Variants in NRG1 observed in about 807,000 individuals in gnomAD.
NRG1 encodes the protein pro-neuregulin-1, membrane-bound isoform.
A neutral mutation model predicts 63.8 loss-of-function variants in NRG1; 18 were observed. That is an observed-to-expected ratio of 0.28 (90% CI 0.19 to 0.42). The LOEUF (loss-of-function observed/expected upper bound fraction) is 0.42, where lower values mean the gene tolerates loss of function less well. Among genes scored for constraint, NRG1 ranks in the 10% least tolerant of loss-of-function variants. NRG1 has a pLI of 1.00. For missense variants in NRG1, 762 were observed against 814.7 expected (o/e 0.94, Z 0.79); for synonymous variants, 302 against 301.3 (o/e 1.00, Z -0.02).
chr8:32,614,102 T>C (rs573597413), intron 3 of NRG1, among the ~76,000 whole-genome samples: 1 of 152,238 alleles, frequency 6.6e-6, no homozygotes, highest in East Asian at 1.9e-4. Context: ...TTACTTTTAT[T>C]TTTGAACAAA....
intron 1 of NRG1, among the ~76,000 whole-genome samples, chr8:31,778,845 T>C (rs1819411297): frequency 6.6e-6 from 1 of 152,238 alleles, no homozygotes; most frequent in Admixed American, 6.5e-5. Flanking sequence ...GCAGGAGGAC[T>C]GTTATTGCTG....
rs183975948 is a variant in NRG1, at chr8:31,700,237, G to T, written c.37+60806G>T. ...TTTTGGAGGCAGCTTTTACTCTCTG[G>T]GTCATATTTTAATTCCTGATCCTGA... On this transcript the variant is annotated intron_variant, in intron 1 of 10. Coordinates refer to the NRG1 transcript ENST00000519301. Among the ~76,000 whole-genome samples, 1,172 of 152,070 alleles carry T rather than the reference G, an allele frequency of 7.7e-3. 55 individuals are homozygous for T. The highest frequency in any genetic ancestry group is 0.065 in the Admixed American group (994 of 15,262).
intron 1 of NRG1, among the ~76,000 whole-genome samples, chr8:32,119,767 C>G (rs764061809): frequency 1.1e-4 from 16 of 151,974 alleles, no homozygotes; most frequent in Non-Finnish European, 2.4e-4. Context: ...ACCCTGAATT[C>G]TAGAATAATT....
At chr8:31,682,083 A>T (rs955814370) in intron 1 of NRG1, among the ~76,000 whole-genome samples, 2 of 152,148 alleles carry the variant, frequency 1.3e-5, no homozygotes, top group African/African-American at 4.8e-5. Context: ...TCACTTCCCT[A>T]AAGAGCCTAT....
At chr8:31,668,950 C>T (rs538885033) in intron 1 of NRG1, among the ~76,000 whole-genome samples, 16 of 152,144 alleles carry the variant, frequency 1.1e-4, no homozygotes, top group Admixed American at 2.6e-4. Context: ...TTTGCTTATA[C>T]ATAATGAGAT....
At chr8:31,669,739 T>TA (rs146190466) in intron 1 of NRG1, among the ~76,000 whole-genome samples, 1 of 152,304 alleles carries the variant, frequency 6.6e-6, no homozygotes, top group African/African-American at 2.4e-5. Context: ...TACTTAACAG[T>TA]AAAAAATATG....
intron 1 of NRG1, among the ~76,000 whole-genome samples, chr8:32,409,592 A>T (rs145626339): frequency 4.3e-4 from 65 of 152,338 alleles, no homozygotes; most frequent in African/African-American, 1.5e-3. Context: ...AACACCCAGG[A>T]TTCCAGTGGA....
chr8:31,972,730 G>T (rs1002571527), intron 1 of NRG1, among the ~76,000 whole-genome samples: 1 of 152,042 alleles, frequency 6.6e-6, no homozygotes, highest in South Asian at 2.1e-4. Context: ...CTGGTCAAAT[G>T]AATACAGGAA....
intron 1 of NRG1, among the ~76,000 whole-genome samples, chr8:32,378,441 A>G: frequency 6.6e-6 from 1 of 152,102 alleles, no homozygotes; most frequent in Non-Finnish European, 1.5e-5. Context: ...AAGCAATAAT[A>G]CAGGATTAGG....
intron 1 of NRG1, among the ~76,000 whole-genome samples, chr8:32,354,537 G>A (rs925274109): frequency 1.3e-5 from 2 of 152,040 alleles, no homozygotes; most frequent in Admixed American, 6.5e-5. Flanking sequence ...GTTTATTACT[G>A]GGATTGTGTT....
In NRG1 at chr8:32,764,447, A is replaced by G. The variant is rs758822786; in HGVS notation, c.*45A>G. On this transcript the variant is annotated 3_prime_UTR_variant, in exon 12 of 12. Coordinates refer to ENST00000356819, the Ensembl canonical transcript of NRG1. The stretch of plus-strand genomic sequence containing the variant: ...ATTCACCTGTAAAACTTTATTTTAT[A>G]TAATAAAGTATTCCACCTTAAATTA... 41 of 1,404,964 alleles carry G rather than the reference A, an allele frequency of 2.9e-5. No homozygotes were observed. In the Admixed American group the frequency reaches 9.0e-4, roughly 31 times the overall value. 87.0% of individuals were successfully genotyped at this position (1,404,964 alleles called of 1,614,324 possible).
intron 1 of NRG1, among the ~76,000 whole-genome samples, chr8:31,966,180 G>A (rs1395734630): frequency 1.3e-5 from 2 of 151,972 alleles, no homozygotes; most frequent in Non-Finnish European, 2.9e-5. Flanking sequence ...AGGAAGAAAA[G>A]GAGAAAAAAT....
chr8:32,418,103 G>T (rs1305422669), intron 1 of NRG1, among the ~76,000 whole-genome samples: 1 of 152,148 alleles, frequency 6.6e-6, no homozygotes, highest in East Asian at 1.9e-4. Context: ...AAATGTTTTT[G>T]AAGCATTTTG....
intron 1 of NRG1, among the ~76,000 whole-genome samples, chr8:32,422,385 A>G (rs963509871): frequency 1.3e-5 from 2 of 152,224 alleles, no homozygotes; most frequent in Non-Finnish European, 2.9e-5. Context: ...ACAGATATCA[A>G]TATAATTTAT....
intron 1 of NRG1, among the ~76,000 whole-genome samples, chr8:32,181,418 T>C (rs1841419452): frequency 6.6e-6 from 1 of 152,230 alleles, no homozygotes; most frequent in African/African-American, 2.4e-5. Flanking sequence ...AATATCTCTA[T>C]ACTTTATTCT....
intron 1 of NRG1, among the ~76,000 whole-genome samples, chr8:32,121,671 C>G (rs1306694316): frequency 6.6e-6 from 1 of 151,794 alleles, no homozygotes; most frequent in Non-Finnish European, 1.5e-5. Flanking sequence ...TTGAAACAAA[C>G]TATTTTGAGA....
At chr8:31,801,561 T>A (rs906156496) in intron 1 of NRG1, among the ~76,000 whole-genome samples, 1 of 152,312 alleles carries the variant, frequency 6.6e-6, no homozygotes, top group East Asian at 1.9e-4. Flanking sequence ...ACAGAAACAT[T>A]AGTTAGAATT....
chr8:32,075,651 CTTTTTTTTTTTTTTTTTTTTTTTTTTTT>C (rs200354474), intron 1 of NRG1, among the ~76,000 whole-genome samples: 147,072 of 150,756 alleles, frequency 0.98, 71,761 homozygotes, highest in East Asian at 1. Flanking sequence ...ATATTTTAAC[CTTTTTTTTTTTTTTTTTTTTTTTTTTTT>C]TTTTTTTTTT....
chr8:32,748,193 A>T (rs995504392), intron 7 of NRG1, among the ~76,000 whole-genome samples: 1 of 152,096 alleles, frequency 6.6e-6, no homozygotes, highest in Non-Finnish European at 1.5e-5. Flanking sequence ...CACACTTAAG[A>T]GATACCTTGC....
Sources: gnomAD v4.1 joint callset for allele counts (sites outside exome capture counted in the v4.1 genomes callset) on GRCh38, gnomAD v4.1.1 for gene constraint, MANE v1.5 for transcripts, NCBI Gene and HGNC (gene_info 2026-07-23, HGNC 2026-07-21) for gene names.